The following MRPS14 variants were observed in gnomAD, a reference collection of about 807,000 sequenced individuals.
The protein encoded by MRPS14 is mitochondrial ribosomal protein S14.
In MRPS14, 14 loss-of-function variants were observed where a neutral mutation model predicts 16.4. That is an observed-to-expected ratio of 0.85 (90% CI 0.56 to 1.33). The LOEUF (loss-of-function observed/expected upper bound fraction) is 1.33. MRPS14 is among the 40% of genes most tolerant of loss of function. MRPS14 has a pLI of 0.00. For synonymous variants in MRPS14, 54 were observed against 61.9 expected (o/e 0.87, Z 0.60); for missense variants, 162 against 176.8 (o/e 0.92, Z 0.48).
At position 175,018,501 on chromosome 1, in the gene MRPS14, G is replaced by C; in HGVS notation, c.121C>G (p.Arg41Gly). 6.2e-7 allele frequency: 1 copy of C among 1,612,982 alleles called. No homozygotes were observed. The highest frequency in any genetic ancestry group is 8.5e-7 in the Non-Finnish European group (1 of 1,179,774). Reference sequence around the variant, plus strand: ...TCTGCGTATTCATAGGCCATTTTTCGTCTCTTCACATCGCGCCACATTCTC... The same window carrying C: ...TCTGCGTATTCATAGGCCATTTTTCCTCTCTTCACATCGCGCCACATTCTC... ...DWRMWRDVKRRKMAYEYADER... is the reference protein window; with the variant it reads ...DWRMWRDVKRGKMAYEYADER... The change falls in exon 2 of 3, where the codon CGA (arginine) becomes GGA (glycine). Residue 41 changes from arginine (R) to glycine (G), a missense_variant. Coordinates refer to ENST00000476371, the MANE Select transcript of MRPS14 (RefSeq NM_022100.3).
chr1:175,017,762 C>T (rs1409511525), intron 2 of MRPS14, among the ~76,000 whole-genome samples: 1 of 152,126 alleles, frequency 6.6e-6, no homozygotes, highest in Non-Finnish European at 1.5e-5. Context: ...AGGTAAGGAA[C>T]AGTTTAGGCC....
At chr1:175,020,637 T>C (rs540130877) in intron 1 of MRPS14, among the ~76,000 whole-genome samples, 1 of 152,112 alleles carries the variant, frequency 6.6e-6, no homozygotes, top group South Asian at 2.1e-4. Context: ...GCCTCCCGAG[T>C]AGCTGGGATT....
rs781298771 is a variant in MRPS14, at chr1:175,018,465, G to A, written c.157C>T (p.Arg53Cys). Reference sequence around the variant, plus strand: ...GTATTCTTCCTGAGTGAATTAATACGTAGCCTCTCATCTGCGTATTCATAG... The same window carrying A: ...GTATTCTTCCTGAGTGAATTAATACATAGCCTCTCATCTGCGTATTCATAG... ...MAYEYADERL[R>C]INSLRKNTIL... Residue 53 changes from arginine (R) to cysteine (C), a missense_variant, in exon 2 of 3, where the codon CGT (arginine) becomes TGT (cysteine). By Grantham distance (180) the Arg-to-Cys change is radical. Transcript: ENST00000476371. 5 of 1,611,538 alleles carry A rather than the reference G, an allele frequency of 3.1e-6. No homozygotes were observed. Among genetic ancestry groups the A allele is most frequent in the African/African-American group, 2.7e-5 (2 of 74,888 alleles).
At chr1:175,016,052 C>T (rs991121576) in intron 2 of MRPS14, among the ~76,000 whole-genome samples, 1 of 152,066 alleles carries the variant, frequency 6.6e-6, no homozygotes, top group African/African-American at 2.4e-5. Context: ...ACAAAATTAG[C>T]TGGGTGTGGT....
intron 1 of MRPS14, 82 bp downstream of exon 1, chr1:175,023,282 A>T: frequency 6.3e-7 from 1 of 1,577,822 alleles, no homozygotes; most frequent in Non-Finnish European, 8.6e-7. Flanking sequence ...CGAGCACTAC[A>T]GGTGGCAGAG....
At chr1:175,019,935 C>T (rs1374010023) in intron 1 of MRPS14, among the ~76,000 whole-genome samples, 3 of 152,026 alleles carry the variant, frequency 2.0e-5, no homozygotes, top group Non-Finnish European at 4.4e-5. Context: ...TAGAAAGCCA[C>T]CATTTTTTCA....
At chr1:175,020,672 C>A (rs755338723) in intron 1 of MRPS14, among the ~76,000 whole-genome samples, 9 of 152,114 alleles carry the variant, frequency 5.9e-5, no homozygotes, top group Non-Finnish European at 1.0e-4. Flanking sequence ...CAACACCCGG[C>A]TAATTTTGTT....
intron 1 of MRPS14, among the ~76,000 whole-genome samples, chr1:175,020,143 AG>A (rs1364807022): frequency 1.3e-5 from 2 of 152,214 alleles, no homozygotes; most frequent in African/African-American, 2.4e-5. Flanking sequence ...TCACAGAAAG[AG>A]GGGCTTTGAA....
rs1306908910 is a variant in MRPS14, at chr1:175,013,151, T to C, written c.*1518A>G. 1 of 152,176 alleles carries C rather than the reference T, an allele frequency of 6.6e-6. No individual in the cohort carries two copies. Among genetic ancestry groups the C allele is most frequent in the Non-Finnish European group, 1.5e-5 (1 of 68,032 alleles). 9.4% of individuals were successfully genotyped at this position (152,176 alleles called of 1,614,324 possible). A position where few individuals can be genotyped will look rare whatever the true frequency, so the allele number is the denominator to read the frequency against. ...TCCAGTTGGTAAGTTGTCATACATATTTAAGAAATATGAATCCAAACTAGA... is the reference window on the plus strand; with the variant it reads ...TCCAGTTGGTAAGTTGTCATACATACTTAAGAAATATGAATCCAAACTAGA... On this transcript the variant is annotated 3_prime_UTR_variant, in exon 3 of 3. Transcript: ENST00000476371.
Position 175,014,441 on chromosome 1 carries a change from CTATG to C in MRPS14, c.*224_*227del, listed in dbSNP as rs1419473683. 4.4e-6 allele frequency: 2 copies of C among 451,526 alleles called. No homozygotes were observed. Among genetic ancestry groups the C allele is most frequent in the Non-Finnish European group, 7.7e-6 (2 of 258,164 alleles). 28.0% of individuals were successfully genotyped at this position (451,526 alleles called of 1,614,324 possible). Reference sequence around the variant, plus strand: ...AATATTTATTATGCTACTCTTTGTACTATGTATGGGAACAGTATGTTTGTTAAGT... The same window carrying C: ...AATATTTATTATGCTACTCTTTGTACTATGGGAACAGTATGTTTGTTAAGT... On this transcript the variant is annotated 3_prime_UTR_variant, in exon 3 of 3. Coordinates refer to ENST00000476371, the MANE Select transcript of MRPS14 (RefSeq NM_022100.3).
At chr1:175,015,732 ATAT>A (rs896909768) in intron 2 of MRPS14, among the ~76,000 whole-genome samples, 54 of 152,320 alleles carry the variant, frequency 3.5e-4, no homozygotes, top group African/African-American at 1.2e-3. Flanking sequence ...AGTGTTCATA[ATAT>A]TCACTTTAAT....
Position 175,013,710 on chromosome 1 carries a change from G to A in MRPS14, c.*959C>T, listed in dbSNP as rs1672826602. 6.6e-6 allele frequency: 1 copy of A among 152,110 alleles called. No homozygotes were observed. Among genetic ancestry groups the A allele is most frequent in the Non-Finnish European group, 1.5e-5 (1 of 68,036 alleles). The allele number at this position is 152,110 out of a possible 1,614,324, so 9.4% of individuals were successfully genotyped here. On this transcript the variant is annotated 3_prime_UTR_variant, in exon 3 of 3. Coordinates refer to ENST00000476371, the MANE Select transcript of MRPS14 (RefSeq NM_022100.3). The stretch of plus-strand genomic sequence containing the variant: ...GTCTTAATTCCTTCACATGATTTGT[G>A]AGATCCTCCACAATACGGGCCTTGT...
Position 175,014,533 on chromosome 1 carries a change from A to G in MRPS14, c.*136T>C, listed in dbSNP as rs889098940. On this transcript the variant is annotated 3_prime_UTR_variant, in exon 3 of 3. Coordinates refer to ENST00000476371, the MANE Select transcript of MRPS14 (RefSeq NM_022100.3). ...AATGTCTTCATTTTAAAAGTAGTTT[A>G]GAGATAGCATCAGGTAGGCCAAACA... 3 of 746,596 alleles carry G rather than the reference A, an allele frequency of 4.0e-6. No individual in the cohort carries two copies. The African/African-American group carries it at 5.3e-5, about 13-fold the overall frequency. 46.2% of individuals were successfully genotyped at this position (746,596 alleles called of 1,614,324 possible).
intron 1 of MRPS14, among the ~76,000 whole-genome samples, chr1:175,019,047 C>T (rs1280086305): frequency 2.0e-5 from 3 of 151,940 alleles, no homozygotes; most frequent in African/African-American, 7.2e-5. Flanking sequence ...TCCCATTTTT[C>T]GTTCCCTCTT....
In MRPS14 at chr1:175,015,086, T is replaced by G. The variant is rs550175911; in HGVS notation, c.205-235A>C. Among the ~76,000 whole-genome samples, 4 of 152,118 alleles carry G rather than the reference T, an allele frequency of 2.6e-5. No homozygotes were observed. In the South Asian group the frequency reaches 8.3e-4, roughly 32 times the overall value. ...CCTCAGCCTCCCGAGTAGCTGAGATTACAGGTGTGCACTACCACACTCAGC... is the reference window on the plus strand; with the variant it reads ...CCTCAGCCTCCCGAGTAGCTGAGATGACAGGTGTGCACTACCACACTCAGC... On this transcript the variant is annotated intron_variant, in intron 2 of 2. Transcript: ENST00000476371.
At position 175,018,970 on chromosome 1, in the gene MRPS14, C is replaced by T. The variant is rs529062699; in HGVS notation, c.46-394G>A. Among the ~76,000 whole-genome samples the T allele has an allele frequency of 1.8e-4, 28 of 152,230 alleles. 1 individual carries two copies. The highest frequency in any genetic ancestry group is 6.8e-3 in the Middle Eastern group (2 of 292). On this transcript the variant is annotated intron_variant, in intron 1 of 2. Coordinates refer to ENST00000476371, the MANE Select transcript of MRPS14 (RefSeq NM_022100.3). The stretch of plus-strand genomic sequence containing the variant: ...TCACCTGCCCAATGACTCCCTTGCC[C>T]CACAGGTATCCACTGTTTCTAGTTT...
intron 2 of MRPS14, among the ~76,000 whole-genome samples, chr1:175,017,048 C>T (rs968765261): frequency 6.8e-6 from 1 of 147,376 alleles, no homozygotes; most frequent in Non-Finnish European, 1.5e-5. Context: ...TTCTTGGGGG[C>T]CCCCTGCCCT....
chr1:175,017,798 A>G (rs980172094), intron 2 of MRPS14, among the ~76,000 whole-genome samples: 1 of 152,286 alleles, frequency 6.6e-6, no homozygotes, highest in Middle Eastern at 3.4e-3. Context: ...AGACTTCAAC[A>G]TCAGCAATGC....
chr1:175,016,007 G>GA (rs1359483137), intron 2 of MRPS14, among the ~76,000 whole-genome samples: 2 of 152,148 alleles, frequency 1.3e-5, no homozygotes, highest in African/African-American at 2.4e-5. Context: ...CGACCAGCCT[G>GA]ACCAACATAG....
Sources: gnomAD v4.1 joint callset for allele counts (sites outside exome capture counted in the v4.1 genomes callset) on GRCh38, gnomAD v4.1.1 for gene constraint, MANE v1.5 for transcripts, NCBI Gene and HGNC (gene_info 2026-07-23, HGNC 2026-07-21) for gene names.